The following CAPS2 variants were observed in gnomAD, a reference collection of about 807,000 sequenced individuals.
CAPS2 encodes calcyphosin-2.
A neutral mutation model predicts 86.5 loss-of-function variants in CAPS2; 98 were observed. That is an observed-to-expected ratio of 1.13 (90% CI 0.96 to 1.34). The LOEUF (loss-of-function observed/expected upper bound fraction) is 1.34. CAPS2 is among the 40% of genes most tolerant of loss of function. CAPS2 has a pLI of 0.00. For missense variants in CAPS2, 729 were observed against 686.8 expected (o/e 1.06, Z -0.69); for synonymous variants, 210 against 225.1 (o/e 0.93, Z 0.60).
intron 13 of CAPS2, among the ~76,000 whole-genome samples, 153 bp downstream of exon 13, chr12:75,291,591 A>T (rs546855627): frequency 4.2e-5 from 4 of 95,944 alleles, no homozygotes; most frequent in African/African-American, 1.3e-4. Context: ...ATATATATAT[A>T]TATATATATA....
rs1390055539 is a variant in CAPS2 at position 75,293,364 on chromosome 12, C to T, written c.1048G>A (p.Ala350Thr). 2.5e-6 allele frequency: 4 copies of T among 1,596,298 alleles called. 1 individual carries two copies. The South Asian group carries it at 4.5e-5, about 18-fold the overall frequency. Reference sequence around the variant, plus strand: ...TCAGAACTCAAAAATGTCAAGGTTGCACCCTAAACAAAAGAACAGATGAAT... The same window carrying T: ...TCAGAACTCAAAAATGTCAAGGTTGTACCCTAAACAAAAGAACAGATGAAT... The change falls in exon 12 of 17, where the codon GCA becomes ACA. Residue 350 changes from alanine to threonine, a missense_variant. By Grantham distance (58) the Ala-to-Thr change is moderately conservative. Coordinates refer to ENST00000393284, the Ensembl canonical transcript of CAPS2.
intron 1 of CAPS2, among the ~76,000 whole-genome samples, chr12:75,338,528 CT>C (rs1392197974): frequency 6.6e-6 from 1 of 151,490 alleles, no homozygotes. Context: ...CCATTTTTTC[CT>C]GTAGGTTTTT....
intron 7 of CAPS2, among the ~76,000 whole-genome samples, chr12:75,307,884 A>G (rs1240034051): frequency 6.6e-6 from 1 of 152,178 alleles, no homozygotes; most frequent in Non-Finnish European, 1.5e-5. Flanking sequence ...TTTTTAAGGC[A>G]GAAGAATAGG....
At chr12:75,358,601 T>C (rs2043310830) in intron 1 of CAPS2, among the ~76,000 whole-genome samples, 2 of 150,590 alleles carry the variant, frequency 1.3e-5, no homozygotes, top group South Asian at 2.1e-4. Flanking sequence ...TTATGCCTAA[T>C]AGTAAAAAAA....
chr12:75,329,980 A>C, upstream of CAPS2: 1 of 893,388 alleles, frequency 1.1e-6, no homozygotes. Flanking sequence ...GAAAAGGTAT[A>C]AACTAGCGCG....
At chr12:75,322,071 A>G in intron 4 of CAPS2, among the ~76,000 whole-genome samples, 1 of 152,286 alleles carries the variant, frequency 6.6e-6, no homozygotes, top group Middle Eastern at 3.4e-3. Flanking sequence ...TAAACCAAAA[A>G]TAAACAAATG....
chr12:75,314,812 T>C (rs112045584), intron 6 of CAPS2, among the ~76,000 whole-genome samples: 2,498 of 152,038 alleles, frequency 0.016, 59 homozygotes, highest in African/African-American at 0.052. Context: ...CTTGTGGTGG[T>C]TTATACTTTG....
chr12:75,329,987 C>T, upstream of CAPS2: 6 of 812,684 alleles, frequency 7.4e-6, no homozygotes, highest in South Asian at 9.3e-5. Flanking sequence ...TATAAACTAG[C>T]GCGATTCCTC....
At chr12:75,292,284 T>C (rs532704377) in intron 12 of CAPS2, among the ~76,000 whole-genome samples, 226 of 152,166 alleles carry the variant, frequency 1.5e-3, no homozygotes, top group African/African-American at 5.1e-3. Flanking sequence ...GCCAGGCTGG[T>C]CTCGAACTCT....
At chr12:75,330,929 C>T (rs374931258), upstream of CAPS2, among the ~76,000 whole-genome samples, 1 of 152,110 alleles carries the variant, frequency 6.6e-6, no homozygotes, top group South Asian at 2.1e-4. Context: ...GGATTACATG[C>T]GCCCACCACC....
At chr12:75,278,736 T>G in exon 17 of CAPS2, 1 of 1,329,138 alleles carries the variant, frequency 7.5e-7, no homozygotes, top group Non-Finnish European at 9.6e-7. Context: ...AAATTCAACA[T>G]TTTTGAGAAA....
At chr12:75,335,961 G>A (rs1034571312) in intron 1 of CAPS2, among the ~76,000 whole-genome samples, 2 of 151,782 alleles carry the variant, frequency 1.3e-5, no homozygotes, top group African/African-American at 4.8e-5. Context: ...TATAATAAAT[G>A]TTCTTTATAT....
chr12:75,343,108 T>C (rs1477020423), intron 1 of CAPS2, among the ~76,000 whole-genome samples: 1 of 152,006 alleles, frequency 6.6e-6, no homozygotes, highest in Non-Finnish European at 1.5e-5. Flanking sequence ...ATTTTATATA[T>C]TTTGTCTTAT....
upstream of CAPS2, chr12:75,334,676 G>GC: frequency 6.3e-7 from 1 of 1,576,180 alleles, no homozygotes; most frequent in Non-Finnish European, 8.6e-7. Flanking sequence ...GGTTGCCCCA[G>GC]CCGTTACTGG....
At chr12:75,324,357 T>C (rs533779143) in intron 2 of CAPS2, among the ~76,000 whole-genome samples, 2 of 152,202 alleles carry the variant, frequency 1.3e-5, no homozygotes, top group South Asian at 2.1e-4. Context: ...TATTTGTAAA[T>C]TGATTGCTAC....
At chr12:75,283,039 C>T (rs567940197) in intron 15 of CAPS2, among the ~76,000 whole-genome samples, 11 of 152,238 alleles carry the variant, frequency 7.2e-5, no homozygotes, top group East Asian at 1.9e-4. Flanking sequence ...ATTGCCAAGA[C>T]GAATATTTTA....
chr12:75,300,597 A>C (rs2037695137), intron 8 of CAPS2, among the ~76,000 whole-genome samples: 1 of 146,662 alleles, frequency 6.8e-6, no homozygotes. Context: ...ATTTGCTCTT[A>C]GCATCTTGCA....
chr12:75,386,199 C>A (rs2045281890), intron 1 of CAPS2, among the ~76,000 whole-genome samples: 1 of 151,992 alleles, frequency 6.6e-6, no homozygotes, highest in Non-Finnish European at 1.5e-5. Context: ...CCTGAACAGC[C>A]AATACATTGG....
At chr12:75,343,790 C>T in intron 1 of CAPS2, 1 of 1,612,658 alleles carries the variant, frequency 6.2e-7, no homozygotes, top group Non-Finnish European at 8.5e-7. Context: ...AAATGCTATG[C>T]AGCTTTTGAA....
Sources: allele counts gnomAD v4.1 joint callset (sites outside exome capture counted in the v4.1 genomes callset), GRCh38; gene constraint gnomAD v4.1.1; transcripts MANE v1.5; gene names NCBI Gene and HGNC (gene_info 2026-07-23, HGNC 2026-07-21).